The following ANK2 variants were observed in gnomAD, a reference collection of about 807,000 sequenced individuals.
ANK2 encodes the protein ankyrin-2.
ANK2 carries 83 observed loss-of-function variants against 360.5 expected under a neutral mutation model. The observed-to-expected ratio is 0.23, with a 90% CI of 0.19 to 0.28. ANK2 has a LOEUF of 0.28. ANK2 is among the 10% of genes least tolerant of loss of function. The probability of loss-of-function intolerance (pLI) is 1.00; values close to 1 mark genes in which losing one functional copy is unlikely to be tolerated. For synonymous variants in ANK2, 1,740 were observed against 1,759.5 expected (o/e 0.99, Z 0.28); for missense variants, 4,201 against 4,795.7 (o/e 0.88, Z 3.66).
intron 1 of ANK2, among the ~76,000 whole-genome samples, chr4:113,157,250 C>T (rs1310960702): frequency 6.6e-6 from 1 of 152,090 alleles, no homozygotes; most frequent in Non-Finnish European, 1.5e-5. Flanking sequence ...TTAAGAACAG[C>T]TGAGAGAGGT....
Position 113,302,751 on chromosome 4 carries a change from AT to A in ANK2, c.2476-11del. On this transcript the variant is annotated splice_polypyrimidine_tract_variant and intron_variant, in intron 22 of 45. Transcript: ENST00000357077. ...TTTGGTTTCAACTTGAACATTAATGATTTTTGTTTTTCCAGACTATTACAGA... is the reference window on the plus strand; with the variant it reads ...TTTGGTTTCAACTTGAACATTAATGATTTTGTTTTTCCAGACTATTACAGA... The A allele has an allele frequency of 1.2e-6, 2 of 1,605,038 alleles. No homozygotes were observed. Among genetic ancestry groups the A allele is most frequent in the South Asian group, 1.1e-5 (1 of 90,878 alleles).
At position 113,072,953 on chromosome 4, in the gene ANK2, C is replaced by CTTTTT. The variant is rs77468290; in HGVS notation, c.84+23163_84+23167dup. Among the ~76,000 whole-genome samples the CTTTTT allele has an allele frequency of 8.3e-3, 492 of 59,410 alleles. 136 individuals are homozygous for CTTTTT. Among genetic ancestry groups the CTTTTT allele is most frequent in the African/African-American group, 0.029 (381 of 13,102 alleles). The allele number at this position is 59,410 out of a possible 152,430, so 39.0% of individuals were successfully genotyped here. A position where few individuals can be genotyped will look rare whatever the true frequency, so the allele number is the denominator to read the frequency against. On this transcript the variant is annotated intron_variant, in intron 1 of 45. Coordinates refer to ENST00000357077, the MANE Select transcript of ANK2 (RefSeq NM_001148.6). Reference sequence around the variant, plus strand: ...CTCGACTCTGTCACAAGGACAGTGTCTTTTTTTTTTTTTTTTTTTTTTTTT... The same window carrying CTTTTT: ...CTCGACTCTGTCACAAGGACAGTGTCTTTTTTTTTTTTTTTTTTTTTTTTTTTTTT...
intron 45 of ANK2, 32 bp from the exon 46 acceptor site, chr4:113,381,425 A>T: frequency 6.2e-7 from 1 of 1,613,646 alleles, no homozygotes; most frequent in Non-Finnish European, 8.5e-7. Flanking sequence ...CAGTGAAAAG[A>T]GCGTAATTCT....
At chr4:113,024,459 T>C (rs2058820598) in intron 2 of ANK2, among the ~76,000 whole-genome samples, 1 of 152,202 alleles carries the variant, frequency 6.6e-6, no homozygotes, top group Non-Finnish European at 1.5e-5. Flanking sequence ...TTTTCCTTGA[T>C]CTACAAAAAT....
chr4:113,221,974 G>A (rs1278408487), intron 4 of ANK2, among the ~76,000 whole-genome samples: 1 of 152,192 alleles, frequency 6.6e-6, no homozygotes, highest in Non-Finnish European at 1.5e-5. Context: ...TAGTGTAGTT[G>A]AAAGAACATG....
At chr4:112,831,783 T>C (rs1168920906) in intron 1 of ANK2, among the ~76,000 whole-genome samples, 1 of 152,180 alleles carries the variant, frequency 6.6e-6, no homozygotes, top group Non-Finnish European at 1.5e-5. Context: ...TGTGAAGGTC[T>C]GCAGCTTCAC....
intron 4 of ANK2, among the ~76,000 whole-genome samples, chr4:113,205,625 G>A (rs1220688183): frequency 6.6e-6 from 1 of 152,100 alleles, no homozygotes; most frequent in Non-Finnish European, 1.5e-5. Context: ...TACAGACCAC[G>A]ACTATTAATT....
At chr4:113,233,760 C>T (rs111392091) in intron 5 of ANK2, among the ~76,000 whole-genome samples, 402 of 152,176 alleles carry the variant, frequency 2.6e-3, no homozygotes, top group African/African-American at 9.1e-3. Flanking sequence ...ATTAATGAGA[C>T]CATGTTTCCT....
chr4:113,227,025 G>T (rs2099231854), intron 4 of ANK2, among the ~76,000 whole-genome samples: 1 of 152,168 alleles, frequency 6.6e-6, no homozygotes, highest in African/African-American at 2.4e-5. Context: ...ATACACAGAA[G>T]CCAATACAGT....
chr4:113,337,779 C>T (rs2093739142), intron 31 of ANK2, among the ~76,000 whole-genome samples: 2 of 151,984 alleles, frequency 1.3e-5, no homozygotes, highest in African/African-American at 4.8e-5. Flanking sequence ...GATCTCTTTC[C>T]CAGTTGCTCA....
chr4:113,206,045 C>T (rs1037909825), intron 4 of ANK2, among the ~76,000 whole-genome samples: 1 of 151,834 alleles, frequency 6.6e-6, no homozygotes, highest in Non-Finnish European at 1.5e-5. Context: ...GGGTTTTCCC[C>T]CAAAATATAT....
At chr4:112,747,170 A>G in the ANK2 span, among the ~76,000 whole-genome samples, 3 of 152,332 alleles carry the variant, frequency 2.0e-5, no homozygotes, top group East Asian at 5.8e-4. Flanking sequence ...TCTTTAGCCA[A>G]AACTCTGTGG....
intron 2 of ANK2, among the ~76,000 whole-genome samples, chr4:112,939,222 G>A (rs568767277): frequency 6.6e-6 from 1 of 152,276 alleles, no homozygotes; most frequent in Non-Finnish European, 1.5e-5. Context: ...AAATGAGAAA[G>A]CTAATAGACA....
chr4:113,372,949 G>T (rs1359315389), intron 43 of ANK2, 141 bp from the exon 44 acceptor site: 16 of 843,690 alleles, frequency 1.9e-5, no homozygotes, highest in Non-Finnish European at 1.0e-5. Flanking sequence ...TTTTTCACTA[G>T]TTGACAGGAT....
intron 2 of ANK2, among the ~76,000 whole-genome samples, chr4:113,000,840 A>G (rs571154055): frequency 6.6e-6 from 1 of 152,286 alleles, no homozygotes; most frequent in East Asian, 1.9e-4. Flanking sequence ...TTTTATTATC[A>G]TCATCCTCGT....
chr4:112,922,853 A>G (rs2091848886), intron 2 of ANK2, among the ~76,000 whole-genome samples: 2 of 152,206 alleles, frequency 1.3e-5, no homozygotes, highest in Admixed American at 1.3e-4. Flanking sequence ...GCAAAACCCA[A>G]GCTACAGTAG....
rs1017327936 is a variant in ANK2, at chr4:113,294,163, T to C, written c.2475+625T>C. On this transcript the variant is annotated intron_variant, in intron 22 of 45. Transcript: ENST00000357077. ...TGACTCTTCATGACAAATCAGTGAT[T>C]ATCACTGGCCTTTGCTAGAGAAACT... 9.9e-5 allele frequency among the ~76,000 whole-genome samples: 15 copies of C among 152,258 alleles called. 1 individual carries two copies. Among genetic ancestry groups the C allele is most frequent in the Admixed American group, 9.8e-4 (15 of 15,292 alleles).
chr4:112,952,620 C>T (rs201843659), intron 2 of ANK2, among the ~76,000 whole-genome samples: 1 of 152,070 alleles, frequency 6.6e-6, no homozygotes, highest in South Asian at 2.1e-4. Context: ...TCCTACTCTT[C>T]CTTAACATGT....
chr4:113,287,545 T>G, intron 18 of ANK2, 60 bp from the exon 19 acceptor site: 1 of 1,218,896 alleles, frequency 8.2e-7, no homozygotes, highest in South Asian at 1.2e-5. Flanking sequence ...CATAATATTA[T>G]AGATGATGCA....
Sources: gnomAD v4.1 joint callset for allele counts (sites outside exome capture counted in the v4.1 genomes callset) on GRCh38, gnomAD v4.1.1 for gene constraint, MANE v1.5 for transcripts, NCBI Gene and HGNC (gene_info 2026-07-23, HGNC 2026-07-21) for gene names.